ATP13A4: variants seen among roughly 807,000 people sequenced by gnomAD.
ATP13A4 encodes the protein probable cation-transporting ATPase 13A4.
In ATP13A4, 114 loss-of-function variants were observed where a neutral mutation model predicts 142.5. The observed-to-expected ratio is 0.80, with a 90% CI of 0.69 to 0.93. ATP13A4 has a LOEUF of 0.93. Among genes scored for constraint, ATP13A4 ranks in the 40% least tolerant of loss-of-function variants. ATP13A4 has a pLI of 0.00. For missense variants in ATP13A4, 1,392 were observed against 1,454.0 expected (o/e 0.96, Z 0.69); for synonymous variants, 488 against 514.8 (o/e 0.95, Z 0.70).
chr3:193,424,839 T>G (rs1215585194), intron 25 of ATP13A4, among the ~76,000 whole-genome samples: 1 of 149,142 alleles, frequency 6.7e-6, no homozygotes, highest in Non-Finnish European at 1.5e-5. Flanking sequence ...TACATAAAAC[T>G]AAAAAGATTT....
Position 193,502,661 on chromosome 3 carries a change from C to G in ATP13A4, c.235-22G>C. Reference sequence around the variant, plus strand: ...CATCCTGAGGAGATAGACATCAAAACCCCCAAGAAGTTAAGAGAGGTCAGC... The same window carrying G: ...CATCCTGAGGAGATAGACATCAAAAGCCCCAAGAAGTTAAGAGAGGTCAGC... On this transcript the variant is annotated intron_variant, in intron 2 of 29. Coordinates refer to ENST00000342695, the MANE Select transcript of ATP13A4 (RefSeq NM_032279.4). The G allele has an allele frequency of 1.9e-6, 3 of 1,611,858 alleles. No individual in the cohort carries two copies. The Admixed American group carries it at 5.0e-5, about 27-fold the overall frequency.
intron 25 of ATP13A4, among the ~76,000 whole-genome samples, chr3:193,431,390 C>T (rs1715962100): frequency 6.6e-6 from 1 of 152,000 alleles, no homozygotes; most frequent in Non-Finnish European, 1.5e-5. Flanking sequence ...GGATGGACAT[C>T]AAGGCTGGAG....
chr3:193,542,136 T>A (rs1560270836), intron 1 of ATP13A4, among the ~76,000 whole-genome samples: 1 of 152,156 alleles, frequency 6.6e-6, no homozygotes, highest in Non-Finnish European at 1.5e-5. Flanking sequence ...AGTCTCAGGA[T>A]ACAAAATCAA....
intron 1 of ATP13A4, among the ~76,000 whole-genome samples, chr3:193,531,297 A>AC (rs1722307525): frequency 4.9e-5 from 1 of 20,394 alleles, no homozygotes; most frequent in Non-Finnish European, 8.4e-5. Flanking sequence ...GGAGGGAGGG[A>AC]GGAAGGAAGG....
intron 3 of ATP13A4, among the ~76,000 whole-genome samples, chr3:193,497,438 A>T (rs927704386): frequency 6.6e-6 from 1 of 152,172 alleles, no homozygotes; most frequent in African/African-American, 2.4e-5. Context: ...CAAGGATATA[A>T]AGAGATGAAA....
chr3:193,537,722 A>C (rs1319390522), intron 1 of ATP13A4, among the ~76,000 whole-genome samples: 1 of 152,178 alleles, frequency 6.6e-6, no homozygotes, highest in Non-Finnish European at 1.5e-5. Context: ...TCCTGCAATG[A>C]GTGAATGGTT....
In ATP13A4 at chr3:193,448,338, T is replaced by C. The variant is rs762611904; in HGVS notation, c.2028-8A>G. ...TCTGATTCTACCGTCTCCCTGAAAA[T>C]ACATATATAGATGTATTGAACAGAA... is the stretch of plus-strand genomic sequence containing the variant. On this transcript the variant is annotated splice_region_variant and splice_polypyrimidine_tract_variant and intron_variant, in intron 17 of 29. Transcript: ENST00000342695. 18 of 1,613,490 alleles carry C rather than the reference T, an allele frequency of 1.1e-5. No individual in the cohort carries two copies. Among genetic ancestry groups the C allele is most frequent in the Non-Finnish European group, 1.4e-5 (17 of 1,179,964 alleles).
At chr3:193,586,696 C>A (rs986391982) in intron 1 of ATP13A4, among the ~76,000 whole-genome samples, 2 of 152,142 alleles carry the variant, frequency 1.3e-5, no homozygotes, top group African/African-American at 4.8e-5. Context: ...ATTTCTGAAC[C>A]CTTTATTCTG....
chr3:193,554,966 C>T, upstream of ATP13A4: 4 of 1,549,302 alleles, frequency 2.6e-6, no homozygotes, highest in Non-Finnish European at 1.7e-6. Flanking sequence ...AATGACAATA[C>T]TTGGCAAACT....
chr3:193,426,025 T>C (rs1269510196), intron 25 of ATP13A4, among the ~76,000 whole-genome samples: 2 of 151,716 alleles, frequency 1.3e-5, no homozygotes, highest in Admixed American at 1.3e-4. Flanking sequence ...AAGTTGTATC[T>C]TTTGAAAAGA....
intron 25 of ATP13A4, among the ~76,000 whole-genome samples, chr3:193,417,295 T>A (rs1715115066): frequency 6.6e-6 from 1 of 152,186 alleles, no homozygotes; most frequent in Non-Finnish European, 1.5e-5. Flanking sequence ...TGATGTCTAG[T>A]AAAGGTAACT....
intron 1 of ATP13A4, among the ~76,000 whole-genome samples, chr3:193,530,970 C>A (rs9850843): frequency 6.6e-6 from 1 of 151,994 alleles, no homozygotes; most frequent in Non-Finnish European, 1.5e-5. Context: ...TTCAGTTCCC[C>A]GAATGGAATG....
At chr3:193,461,778 T>C (rs1406980660) in intron 13 of ATP13A4, among the ~76,000 whole-genome samples, 1 of 152,202 alleles carries the variant, frequency 6.6e-6, no homozygotes, top group Non-Finnish European at 1.5e-5. Flanking sequence ...AGAGATTTCA[T>C]GTTCTGATTC....
At position 193,493,227 on chromosome 3, in the gene ATP13A4, C is replaced by G; in HGVS notation, c.382-67G>C. The G allele has an allele frequency of 3.8e-6, 5 of 1,303,972 alleles. 1 individual carries two copies. The South Asian group carries it at 6.2e-5, about 16-fold the overall frequency. 80.8% of individuals were successfully genotyped at this position (1,303,972 alleles called of 1,614,324 possible). A position where few individuals can be genotyped will look rare whatever the true frequency, so the allele number is the denominator to read the frequency against. ...CAGAGAATAAACAGCAACCCAGTGG[C>G]TAAAGAAGCATTTGTTTGAAAAGCA... is the stretch of plus-strand genomic sequence containing the variant. On this transcript the variant is annotated intron_variant, in intron 3 of 29. Transcript: ENST00000342695.
At chr3:193,494,905 T>C (rs1720141376) in intron 3 of ATP13A4, among the ~76,000 whole-genome samples, 1 of 151,198 alleles carries the variant, frequency 6.6e-6, no homozygotes, top group African/African-American at 2.4e-5. Context: ...AAGTCAGAAA[T>C]GAAAAAAGAG....
chr3:193,508,103 T>C (rs1010182487), intron 2 of ATP13A4, among the ~76,000 whole-genome samples: 4 of 152,132 alleles, frequency 2.6e-5, no homozygotes, highest in African/African-American at 9.7e-5. Flanking sequence ...AAAGACCCCA[T>C]GAAGACACAG....
At chr3:193,438,728 T>C (rs1364037281) in intron 22 of ATP13A4, 144 bp from the exon 23 acceptor site, 5 of 772,660 alleles carry the variant, frequency 6.5e-6, no homozygotes, top group Non-Finnish European at 1.1e-5. Flanking sequence ...GCCTGGAACA[T>C]GAGAAAAAGA....
intron 8 of ATP13A4, among the ~76,000 whole-genome samples, chr3:193,471,412 T>A (rs890091010): frequency 1.3e-5 from 2 of 151,354 alleles, no homozygotes; most frequent in Non-Finnish European, 2.9e-5. Flanking sequence ...CACCAAAAAA[T>A]AAAAAATAAA....
chr3:193,401,408 C>A lies in ATP13A4; in HGVS notation c.*1244G>T, dbSNP rs1335210173. On this transcript the variant is annotated 3_prime_UTR_variant, in exon 30 of 30. Transcript: ENST00000342695. ...CCACAAACTTTAAAAAAAAAATGTA[C>A]TAGTTGTGTAAGAACTCCCATCAAT... is the stretch of plus-strand genomic sequence containing the variant. 6.6e-6 allele frequency among the ~76,000 whole-genome samples: 1 copy of A among 152,052 alleles called. No individual in the cohort carries two copies. Among genetic ancestry groups the A allele is most frequent in the Non-Finnish European group, 1.5e-5 (1 of 68,014 alleles).
Sources: allele counts gnomAD v4.1 joint callset (sites outside exome capture counted in the v4.1 genomes callset), GRCh38; gene constraint gnomAD v4.1.1; transcripts MANE v1.5; gene names NCBI Gene and HGNC (gene_info 2026-07-23, HGNC 2026-07-21).